The following SGCZ variants were observed in gnomAD, a reference collection of about 807,000 sequenced individuals.
The protein encoded by SGCZ is sarcoglycan zeta.
In SGCZ, 40 loss-of-function variants were observed where a neutral mutation model predicts 41.3. The observed-to-expected ratio is 0.97, with a 90% CI of 0.75 to 1.26. The LOEUF is 1.26. SGCZ is among the 50% of genes most tolerant of loss of function. The probability of loss-of-function intolerance (pLI) is 0.00; values close to 1 mark genes in which losing one functional copy is unlikely to be tolerated. For synonymous variants in SGCZ, 206 were observed against 137.5 expected, an observed-to-expected ratio of 1.50 and a Z score of -3.49; for missense variants, 552 against 369.8, an observed-to-expected ratio of 1.49 and a Z score of -4.04.
chr8:14,303,894 G>C (rs1223703246), intron 3 of SGCZ, among the ~76,000 whole-genome samples: 1 of 151,812 alleles, frequency 6.6e-6, no homozygotes, highest in Admixed American at 6.6e-5. Context: ...TAGGATTATA[G>C]GCACCCGCCA....
At chr8:14,612,576 T>C (rs1446221643) in intron 1 of SGCZ, among the ~76,000 whole-genome samples, 5 of 152,194 alleles carry the variant, frequency 3.3e-5, no homozygotes, top group Non-Finnish European at 5.9e-5. Context: ...ACCTAGATTA[T>C]TTTCCCCCAA....
At chr8:14,810,707 T>C (rs1801712741) in intron 1 of SGCZ, among the ~76,000 whole-genome samples, 1 of 151,968 alleles carries the variant, frequency 6.6e-6, no homozygotes, top group Admixed American at 6.6e-5. Flanking sequence ...TTCAGTGACT[T>C]CCTGGCAGTA....
At chr8:14,702,190 T>G (rs1008043690) in intron 1 of SGCZ, among the ~76,000 whole-genome samples, 1 of 152,022 alleles carries the variant, frequency 6.6e-6, no homozygotes, top group African/African-American at 2.4e-5. Flanking sequence ...ACAGTTTTCT[T>G]TCAACTTTCT....
At chr8:14,722,907 C>T (rs1046364524) in intron 1 of SGCZ, among the ~76,000 whole-genome samples, 1 of 151,668 alleles carries the variant, frequency 6.6e-6, no homozygotes, top group South Asian at 2.1e-4. Flanking sequence ...CAACAGTAAA[C>T]AAAGAAAAAA....
In SGCZ at chr8:15,069,065, C is replaced by T. The variant is rs969384839; in HGVS notation, c.39+168520G>A. Reference sequence around the variant, plus strand: ...TGAAGTTAAAGTATTGGCTGACAGACGGCACCAATATTCCAGAATGTTCTT... The same window carrying T: ...TGAAGTTAAAGTATTGGCTGACAGATGGCACCAATATTCCAGAATGTTCTT... On this transcript the variant is annotated intron_variant, in intron 1 of 7. Transcript: ENST00000382080. 1.4e-4 allele frequency among the ~76,000 whole-genome samples: 21 copies of T among 152,200 alleles called. 1 individual carries two copies. The highest frequency in any genetic ancestry group is 6.5e-4 in the Admixed American group (10 of 15,284).
At chr8:14,343,724 C>T (rs1378344024) in intron 2 of SGCZ, among the ~76,000 whole-genome samples, 1 of 152,116 alleles carries the variant, frequency 6.6e-6, no homozygotes, top group African/African-American at 2.4e-5. Context: ...ATATCTGAAT[C>T]ACAGTGTCAT....
intron 1 of SGCZ, among the ~76,000 whole-genome samples, chr8:15,075,454 C>CT (rs1393630534): frequency 6.6e-6 from 1 of 152,090 alleles, no homozygotes; most frequent in Non-Finnish European, 1.5e-5. Context: ...TTGTAAGTAT[C>CT]TTTTTTTAAA....
At chr8:14,372,380 T>G (rs985586482) in intron 2 of SGCZ, among the ~76,000 whole-genome samples, 18 of 152,322 alleles carry the variant, frequency 1.2e-4, no homozygotes, top group African/African-American at 3.6e-4. Context: ...GAACAAATTC[T>G]GAGTATTTAT....
At chr8:14,192,334 A>C (rs1023403223) in intron 4 of SGCZ, among the ~76,000 whole-genome samples, 8 of 151,942 alleles carry the variant, frequency 5.3e-5, no homozygotes, top group Admixed American at 6.5e-5. Context: ...AACTACCATC[A>C]AATATTCTTA....
chr8:14,675,487 TTTA>T (rs1285175868), intron 1 of SGCZ, among the ~76,000 whole-genome samples: 2 of 152,154 alleles, frequency 1.3e-5, no homozygotes, highest in Non-Finnish European at 2.9e-5. Context: ...AAATGGCTTA[TTTA>T]TTGACCACTG....
intron 1 of SGCZ, among the ~76,000 whole-genome samples, chr8:15,160,628 G>A (rs1002484353): frequency 1.1e-4 from 17 of 152,146 alleles, no homozygotes; most frequent in Non-Finnish European, 1.5e-5. Context: ...AGGCTTTGTA[G>A]AAAACATTTT....
intron 1 of SGCZ, among the ~76,000 whole-genome samples, chr8:14,959,335 T>C (rs1010895428): frequency 6.6e-6 from 1 of 152,068 alleles, no homozygotes; most frequent in African/African-American, 2.4e-5. Flanking sequence ...CTTTGGTTGG[T>C]TGGTTGTTTG....
intron 5 of SGCZ, among the ~76,000 whole-genome samples, chr8:14,129,701 C>A (rs75587660): frequency 4.0e-4 from 60 of 151,294 alleles, no homozygotes; most frequent in African/African-American, 1.3e-3. Context: ...TAAAAAAAAT[C>A]AAAAAAGACA....
At chr8:14,904,123 T>C (rs1799053259) in intron 1 of SGCZ, among the ~76,000 whole-genome samples, 1 of 152,082 alleles carries the variant, frequency 6.6e-6, no homozygotes, top group Non-Finnish European at 1.5e-5. Context: ...TTAGGGGTTT[T>C]CATGAAATAT....
chr8:14,344,357 C>G (rs558632471), intron 2 of SGCZ, among the ~76,000 whole-genome samples: 2 of 151,938 alleles, frequency 1.3e-5, no homozygotes, highest in South Asian at 2.1e-4. Context: ...AAAAGCTACA[C>G]TATATACAGT....
chr8:14,815,640 C>T (rs1801880728), intron 1 of SGCZ, among the ~76,000 whole-genome samples: 1 of 152,182 alleles, frequency 6.6e-6, no homozygotes, highest in East Asian at 1.9e-4. Context: ...GTACCTATTC[C>T]TGTTCAAACT....
At chr8:14,290,534 T>C (rs193100872) in intron 3 of SGCZ, among the ~76,000 whole-genome samples, 11 of 151,920 alleles carry the variant, frequency 7.2e-5, no homozygotes, top group African/African-American at 2.7e-4. Flanking sequence ...AAAACCTGAA[T>C]AGACATTTCT....
At chr8:14,206,538 C>A (rs1805621293) in intron 4 of SGCZ, among the ~76,000 whole-genome samples, 1 of 152,102 alleles carries the variant, frequency 6.6e-6, no homozygotes, top group African/African-American at 2.4e-5. Context: ...TCCTGCTTTG[C>A]TGCTTTATTA....
intron 1 of SGCZ, among the ~76,000 whole-genome samples, chr8:14,815,044 G>A (rs1801861038): frequency 6.6e-6 from 1 of 152,054 alleles, no homozygotes; most frequent in Non-Finnish European, 1.5e-5. Context: ...GAGATTCTCT[G>A]ATATGTGGTA....
Sources: allele counts gnomAD v4.1 joint callset (sites outside exome capture counted in the v4.1 genomes callset), GRCh38; gene constraint gnomAD v4.1.1; transcripts MANE v1.5; gene names NCBI Gene and HGNC (gene_info 2026-07-23, HGNC 2026-07-21).